Variants in KCNH1 observed in about 807,000 individuals in gnomAD.
KCNH1 encodes the protein voltage-gated delayed rectifier potassium channel KCNH1.
Under a neutral mutation model 69.2 loss-of-function variants are expected in KCNH1, and 27 were observed. That is an observed-to-expected ratio of 0.39 (90% CI 0.29 to 0.54). The LOEUF (loss-of-function observed/expected upper bound fraction) is 0.54, where lower values mean the gene tolerates loss of function less well. KCNH1 is among the 20% of genes least tolerant of loss of function. The pLI, the probability that KCNH1 is intolerant of heterozygous loss-of-function variation, is 0.68. For missense variants in KCNH1, 798 were observed against 1,261.6 expected, an observed-to-expected ratio of 0.63 and a Z score of 5.57; for synonymous variants, 456 against 487.7, an observed-to-expected ratio of 0.93 and a Z score of 0.86.
chr1:210,850,606 T>G (rs1025971034), intron 7 of KCNH1, among the ~76,000 whole-genome samples: 5 of 152,230 alleles, frequency 3.3e-5, no homozygotes, highest in African/African-American at 1.2e-4. Flanking sequence ...TTTGGAGATG[T>G]GCAGGCCTAT....
At position 210,686,474 on chromosome 1, in the gene KCNH1, A is replaced by G. The variant is rs147059147; in HGVS notation, c.2113-2336T>C. The stretch of plus-strand genomic sequence containing the variant: ...CTGTCCTAGTTACTCTCTATCTTTT[A>G]TCTATTTGTAGTAGGGAGGCCAACT... On this transcript the variant is annotated intron_variant, in intron 10 of 10. Transcript: ENST00000271751. 1.2e-4 allele frequency among the ~76,000 whole-genome samples: 19 copies of G among 152,164 alleles called. No homozygotes were observed. In the East Asian group the frequency reaches 3.7e-3, roughly 29 times the overall value.
At chr1:210,759,933 C>T (rs573725313) in intron 10 of KCNH1, among the ~76,000 whole-genome samples, 12 of 152,288 alleles carry the variant, frequency 7.9e-5, no homozygotes, top group South Asian at 2.1e-4. Context: ...AGGAGATGAG[C>T]GGCAGGTGAG....
intron 7 of KCNH1, among the ~76,000 whole-genome samples, chr1:210,889,105 AG>A (rs1262843253): frequency 6.6e-6 from 1 of 152,222 alleles, no homozygotes; most frequent in Non-Finnish European, 1.5e-5. Flanking sequence ...CAACAAAAAA[AG>A]AAAATTTCAG....
intron 10 of KCNH1, among the ~76,000 whole-genome samples, chr1:210,707,639 G>A (rs921759466): frequency 5.3e-5 from 8 of 152,144 alleles, no homozygotes; most frequent in African/African-American, 1.9e-4. Context: ...TCTTCACCAC[G>A]TTGCTGGTTT....
intron 6 of KCNH1, among the ~76,000 whole-genome samples, chr1:210,967,596 A>G (rs1195698556): frequency 1.3e-5 from 2 of 152,076 alleles, no homozygotes; most frequent in East Asian, 3.9e-4. Flanking sequence ...TTTATTCTTC[A>G]TATTTCCTGA....
chr1:210,837,726 C>T (rs970513297), intron 7 of KCNH1, among the ~76,000 whole-genome samples: 2 of 152,076 alleles, frequency 1.3e-5, no homozygotes, highest in African/African-American at 2.4e-5. Flanking sequence ...ATAGGCTATA[C>T]GATTTAGGGC....
intron 10 of KCNH1, among the ~76,000 whole-genome samples, chr1:210,738,857 C>T (rs539175004): frequency 7.2e-5 from 11 of 152,250 alleles, no homozygotes; most frequent in African/African-American, 2.2e-4. Context: ...TGAGCCATTG[C>T]GCCTGACCTC....
chr1:210,765,987 C>T (rs540697835), intron 10 of KCNH1, among the ~76,000 whole-genome samples: 6 of 152,060 alleles, frequency 3.9e-5, no homozygotes, highest in South Asian at 2.1e-4. Flanking sequence ...TGCTTGAACC[C>T]GGGAGGTGGA....
At chr1:211,081,498 A>G (rs922075679) in intron 5 of KCNH1, among the ~76,000 whole-genome samples, 2 of 152,206 alleles carry the variant, frequency 1.3e-5, no homozygotes, top group South Asian at 2.1e-4. Context: ...AAATCATGCT[A>G]CTATAAAGAC....
chr1:210,723,147 G>A (rs1442554908), intron 10 of KCNH1, among the ~76,000 whole-genome samples: 1 of 152,104 alleles, frequency 6.6e-6, no homozygotes, highest in Admixed American at 6.6e-5. Context: ...TGCCTGCCTG[G>A]CCTCACCCAT....
At chr1:210,859,365 C>A in intron 7 of KCNH1, 1 of 1,537,716 alleles carries the variant, frequency 6.5e-7, no homozygotes, top group Non-Finnish European at 9.0e-7. Flanking sequence ...CCTGATCCCA[C>A]ACAGGATTAT....
intron 6 of KCNH1, among the ~76,000 whole-genome samples, chr1:210,988,407 A>T (rs1688883210): frequency 6.6e-6 from 1 of 152,210 alleles, no homozygotes; most frequent in South Asian, 2.1e-4. Flanking sequence ...AGCTGTTCCT[A>T]TTCAGCCATC....
chr1:211,083,309 C>G (rs1433174112), intron 4 of KCNH1, among the ~76,000 whole-genome samples: 1 of 152,208 alleles, frequency 6.6e-6, no homozygotes, highest in East Asian at 1.9e-4. Flanking sequence ...TTCCCAGTCC[C>G]CAGGCTATCT....
At chr1:211,092,788 CCTAT>C (rs1410373940) in intron 3 of KCNH1, among the ~76,000 whole-genome samples, 1 of 151,868 alleles carries the variant, frequency 6.6e-6, no homozygotes, top group Non-Finnish European at 1.5e-5. Context: ...TCAATTGTAC[CCTAT>C]CTGTTAAGGC....
At chr1:210,713,810 A>ATAT (rs1485233833) in intron 10 of KCNH1, among the ~76,000 whole-genome samples, 3 of 152,216 alleles carry the variant, frequency 2.0e-5, no homozygotes, top group Non-Finnish European at 2.9e-5. Flanking sequence ...TAAAGACAAT[A>ATAT]TATTTTCATG....
intron 5 of KCNH1, among the ~76,000 whole-genome samples, chr1:211,067,424 A>G (rs1690551985): frequency 6.6e-6 from 1 of 152,144 alleles, no homozygotes; most frequent in African/African-American, 2.4e-5. Context: ...TTTTTGCCCT[A>G]TATGGGACTT....
chr1:210,858,682 C>T (rs1685909010), intron 7 of KCNH1: 3 of 156,332 alleles, frequency 1.9e-5, no homozygotes, highest in South Asian at 1.9e-4. Context: ...TTATCTTATT[C>T]GCATATAAAG....
chr1:211,028,679 T>C (rs1230799097), intron 5 of KCNH1, among the ~76,000 whole-genome samples: 2 of 151,440 alleles, frequency 1.3e-5, no homozygotes, highest in African/African-American at 4.8e-5. Flanking sequence ...TCTACACACA[T>C]AAATATGACT....
chr1:210,692,726 C>T (rs1185116375), intron 10 of KCNH1, among the ~76,000 whole-genome samples: 4 of 152,220 alleles, frequency 2.6e-5, no homozygotes, highest in East Asian at 1.9e-4. Context: ...ACTGGAGTTA[C>T]GTAGCTACAA....
Sources: allele counts gnomAD v4.1 joint callset (sites outside exome capture counted in the v4.1 genomes callset), GRCh38; gene constraint gnomAD v4.1.1; transcripts MANE v1.5; gene names NCBI Gene and HGNC (gene_info 2026-07-23, HGNC 2026-07-21).